MUCL1: variants seen among roughly 807,000 people sequenced by gnomAD.
MUCL1 encodes mucin like 1, also known as mucin-like protein 1.
MUCL1 carries 11 observed loss-of-function variants against 9.2 expected under a neutral mutation model. The ratio of observed to expected loss-of-function variants is 1.19; its 90% confidence interval spans 0.75 to 1.97. The LOEUF is 1.97. Ranked by LOEUF, MUCL1 falls within the 30% of genes most tolerant of loss-of-function variation. The probability of loss-of-function intolerance (pLI) is 0.00; values close to 1 mark genes in which losing one functional copy is unlikely to be tolerated. For missense variants in MUCL1, 144 were observed against 110.9 expected (o/e 1.30, Z -1.34); for synonymous variants, 48 against 40.5 (o/e 1.19, Z -0.71).
chr12:54,854,981 T>A, intron 1 of MUCL1, 135 bp from the exon 2 acceptor site: 1 of 729,056 alleles, frequency 1.4e-6, no homozygotes, highest in Non-Finnish European at 2.4e-6. Context: ...TGTGCACTTG[T>A]TCTTCCTCAA....
At position 54,856,803 on chromosome 12, in the gene MUCL1, A is replaced by C. The variant is rs528224202; in HGVS notation, c.134A>C (p.Glu45Ala). The C allele has an allele frequency of 3.1e-6, 5 of 1,613,150 alleles. No homozygotes were observed. The African/African-American group carries it at 5.3e-5, about 17-fold the overall frequency. The change falls in exon 3 of 4, where the codon GAA (glutamate) becomes GCA (alanine). Residue 45 changes from glutamate to alanine, a missense_variant. Transcript: ENST00000308796. ...GPADDEAPDA[E>A]TTAAATTATT... is the part of the protein sequence containing the mutation. The stretch of plus-strand genomic sequence containing the variant: ...GCTGATGATGAAGCCCCTGATGCTG[A>C]AACCACTGCTGCTGCAACCACTGCA...
intron 1 of MUCL1, among the ~76,000 whole-genome samples, chr12:54,842,726 T>C (rs1029927781): frequency 2.6e-5 from 4 of 152,222 alleles, no homozygotes; most frequent in Non-Finnish European, 1.5e-5. Context: ...GTTCTATGAA[T>C]ACAATTGCTT....
At chr12:54,857,011 C>A in intron 3 of MUCL1, 119 bp downstream of exon 3, 1 of 1,432,300 alleles carries the variant, frequency 7.0e-7, no homozygotes, top group Non-Finnish European at 9.4e-7. Flanking sequence ...ACATTGTTCT[C>A]TAAATCCTTG....
chr12:54,837,314 C>A (rs1220790118), upstream of MUCL1, among the ~76,000 whole-genome samples: 1 of 152,010 alleles, frequency 6.6e-6, no homozygotes, highest in Non-Finnish European at 1.5e-5. Context: ...TTGGATTGAT[C>A]CTTTTCCCAT....
upstream of MUCL1, among the ~76,000 whole-genome samples, chr12:54,835,773 G>T (rs1959192258): frequency 1.3e-5 from 2 of 151,744 alleles, no homozygotes; most frequent in South Asian, 4.2e-4. Flanking sequence ...TTTGTTGAGG[G>T]TTTCTACCAT....
intron 1 of MUCL1, among the ~76,000 whole-genome samples, chr12:54,844,014 G>T (rs958911189): frequency 6.6e-6 from 1 of 151,976 alleles, no homozygotes; most frequent in Non-Finnish European, 1.5e-5. Context: ...ACTAGATTTG[G>T]TAATTTATTG....
At chr12:54,850,371 C>T (rs1367213199), upstream of MUCL1, among the ~76,000 whole-genome samples, 1 of 146,216 alleles carries the variant, frequency 6.8e-6, no homozygotes, top group Non-Finnish European at 1.5e-5. Flanking sequence ...CACGTGTTCT[C>T]ATTGTTCAGT....
chr12:54,851,668 G>C (rs933991247), upstream of MUCL1, among the ~76,000 whole-genome samples: 1 of 152,178 alleles, frequency 6.6e-6, no homozygotes, highest in Non-Finnish European at 1.5e-5. Flanking sequence ...GGGCGATCAG[G>C]CAGGAGAAGG....
At chr12:54,835,834 T>A (rs12313376), upstream of MUCL1, among the ~76,000 whole-genome samples, 85 of 152,306 alleles carry the variant, frequency 5.6e-4, no homozygotes, top group African/African-American at 2.0e-3. Context: ...GTTGAGATGA[T>A]CATGTGATTT....
At chr12:54,849,099 A>G (rs1959298692) in intron 1 of MUCL1, among the ~76,000 whole-genome samples, 1 of 152,176 alleles carries the variant, frequency 6.6e-6, no homozygotes, top group South Asian at 2.1e-4. Context: ...GAGTTCTAAG[A>G]AGTAGTGTTG....
upstream of MUCL1, among the ~76,000 whole-genome samples, chr12:54,838,891 C>T (rs1959198689): frequency 6.6e-6 from 1 of 152,046 alleles, no homozygotes; most frequent in South Asian, 2.1e-4. Context: ...TGAGTGGCTT[C>T]ATAATCAACA....
intron 1 of MUCL1, among the ~76,000 whole-genome samples, chr12:54,833,188 G>T (rs1349596487): frequency 4.0e-5 from 6 of 151,830 alleles, no homozygotes; most frequent in Admixed American, 6.6e-5. Flanking sequence ...ATATTCTGTT[G>T]TGCATGCATT....
At chr12:54,846,332 C>T (rs534846639) in intron 1 of MUCL1, among the ~76,000 whole-genome samples, 14 of 152,272 alleles carry the variant, frequency 9.2e-5, no homozygotes, top group Admixed American at 2.0e-4. Flanking sequence ...TGCACCTGCC[C>T]GTCTGCATGT....
At chr12:54,841,179 A>G (rs1018481624) in intron 1 of MUCL1, among the ~76,000 whole-genome samples, 6 of 152,228 alleles carry the variant, frequency 3.9e-5, no homozygotes, top group African/African-American at 1.4e-4. Context: ...TTCTTCTTTT[A>G]GCCTAAATAA....
At chr12:54,853,942 G>T (rs1868276979), upstream of MUCL1, among the ~76,000 whole-genome samples, 1 of 152,150 alleles carries the variant, frequency 6.6e-6, no homozygotes, top group Non-Finnish European at 1.5e-5. Flanking sequence ...TTATACAATG[G>T]TTGCTAAATC....
At position 54,857,231 on chromosome 12, in the gene MUCL1, AGTGTGTGT is replaced by A. The variant is rs34504933; in HGVS notation, c.223+370_223+377del. 5.7e-3 allele frequency among the ~76,000 whole-genome samples: 810 copies of A among 142,550 alleles called. 12 individuals carry two copies. The highest frequency in any genetic ancestry group is 0.019 in the African/African-American group (759 of 39,130). 93.5% of individuals were successfully genotyped at this position (142,550 alleles called of 152,430 possible). A position where few individuals can be genotyped will look rare whatever the true frequency, so the allele number is the denominator to read the frequency against. ...TTATTATTATTTTTTTAAATCAGGT[AGTGTGTGT>A]GTGTGTGTGTGTGTGTGTGTGTGTG... On this transcript the variant is annotated intron_variant, in intron 3 of 3. Transcript: ENST00000308796.
intron 1 of MUCL1, among the ~76,000 whole-genome samples, chr12:54,840,291 C>G (rs1959204608): frequency 6.6e-6 from 1 of 152,210 alleles, no homozygotes; most frequent in African/African-American, 2.4e-5. Flanking sequence ...TTCTCAAATA[C>G]CAGCTGCAGT....
chr12:54,844,331 AT>A (rs969329748), intron 1 of MUCL1, among the ~76,000 whole-genome samples: 3 of 152,016 alleles, frequency 2.0e-5, no homozygotes, highest in South Asian at 2.1e-4. Flanking sequence ...TGTTAGATAG[AT>A]TTTTTTTGAT....
intron 2 of MUCL1, among the ~76,000 whole-genome samples, chr12:54,856,480 T>C (rs1868300522): frequency 6.6e-6 from 1 of 152,208 alleles, no homozygotes; most frequent in Non-Finnish European, 1.5e-5. Context: ...ATAGGAACAC[T>C]CGTGGCCTTG....
Sources: gnomAD v4.1 joint callset for allele counts (sites outside exome capture counted in the v4.1 genomes callset) on GRCh38, gnomAD v4.1.1 for gene constraint, MANE v1.5 for transcripts, NCBI Gene and HGNC (gene_info 2026-07-23, HGNC 2026-07-21) for gene names.